FABP6: variants seen among roughly 807,000 people sequenced by gnomAD.
The protein encoded by FABP6 is gastrotropin.
Under a neutral mutation model 14.9 loss-of-function variants are expected in FABP6, and 13 were observed. The observed-to-expected ratio is 0.87, with a 90% CI of 0.57 to 1.39. FABP6 has a LOEUF of 1.39. FABP6 is among the 40% of genes most tolerant of loss of function. The pLI is 0.00. For synonymous variants in FABP6, 75 were observed against 63.6 expected, an observed-to-expected ratio of 1.18 and a Z score of -0.85; for missense variants, 161 against 167.2, an observed-to-expected ratio of 0.96 and a Z score of 0.20.
At chr5:160,190,468 G>A (rs1001791454) in intron 1 of FABP6, among the ~76,000 whole-genome samples, 34 of 152,174 alleles carry the variant, frequency 2.2e-4, no homozygotes, top group African/African-American at 8.0e-4. Context: ...CCGACCTCAG[G>A]CGATCTGCCC....
intron 3 of FABP6, among the ~76,000 whole-genome samples, chr5:160,219,221 C>T (rs1356851159): frequency 1.3e-5 from 2 of 152,142 alleles, no homozygotes; most frequent in African/African-American, 2.4e-5. Flanking sequence ...GTGCCCAGGG[C>T]TCCTCCTCAC....
chr5:160,220,670 C>T (rs1760110596), intron 3 of FABP6, among the ~76,000 whole-genome samples: 1 of 151,862 alleles, frequency 6.6e-6, no homozygotes, highest in African/African-American at 2.4e-5. Context: ...ATTAGCCTTC[C>T]CTCATACTCA....
chr5:160,203,420 C>T (rs1039860422), intron 2 of FABP6, among the ~76,000 whole-genome samples: 3 of 152,168 alleles, frequency 2.0e-5, no homozygotes, highest in African/African-American at 7.2e-5. Context: ...GATTATATGG[C>T]CCCTCAGAAT....
rs867865208 is a variant in FABP6, at chr5:160,207,215, G to A, written c.52-6521G>A. 1.1e-4 allele frequency among the ~76,000 whole-genome samples: 16 copies of A among 152,336 alleles called. No individual in the cohort carries two copies. In the South Asian group the frequency reaches 2.3e-3, roughly 22 times the overall value. On this transcript the variant is annotated intron_variant, in intron 2 of 6. Transcript: ENST00000393980. The stretch of plus-strand genomic sequence containing the variant: ...AGGTAGGGAAATGGGCAAGGGCCAC[G>A]AACCTAGATTTACCTCTAAACTCCC...
intron 2 of FABP6, among the ~76,000 whole-genome samples, chr5:160,201,005 G>A (rs1332849721): frequency 6.6e-6 from 1 of 152,166 alleles, no homozygotes; most frequent in Non-Finnish European, 1.5e-5. Context: ...ATACACATAT[G>A]AATGTATACA....
chr5:160,227,140 C>A (rs557073030), upstream of FABP6, among the ~76,000 whole-genome samples: 23 of 152,194 alleles, frequency 1.5e-4, no homozygotes, highest in East Asian at 4.2e-3. Context: ...TATGATATAC[C>A]CTTTTGTAAT....
chr5:160,228,977 C>T (rs566187836), upstream of FABP6, among the ~76,000 whole-genome samples: 7 of 152,274 alleles, frequency 4.6e-5, no homozygotes, highest in South Asian at 2.1e-4. Context: ...ACTAGCCCTG[C>T]GCTGGACACC....
chr5:160,226,877 G>A (rs1760258259), upstream of FABP6, among the ~76,000 whole-genome samples: 1 of 152,142 alleles, frequency 6.6e-6, no homozygotes, highest in Non-Finnish European at 1.5e-5. Context: ...TTTCTGAAAG[G>A]CAGTAAAGTA....
chr5:160,216,558 G>A (rs1171761819), intron 3 of FABP6, among the ~76,000 whole-genome samples: 4 of 152,024 alleles, frequency 2.6e-5, no homozygotes, highest in Non-Finnish European at 4.4e-5. Flanking sequence ...ATGAGCCACC[G>A]TGCCTGCCTG....
intron 2 of FABP6, among the ~76,000 whole-genome samples, chr5:160,234,057 C>T (rs1027799218): frequency 1.1e-4 from 17 of 152,206 alleles, no homozygotes; most frequent in African/African-American, 4.1e-4. Flanking sequence ...AGGTTGGCGG[C>T]AGCAGGGTAA....
At chr5:160,236,513 C>G (rs1474276263) in intron 3 of FABP6, among the ~76,000 whole-genome samples, 1 of 152,170 alleles carries the variant, frequency 6.6e-6, no homozygotes, top group Admixed American at 6.5e-5. Context: ...ACTTATTTTA[C>G]AGAGCAGCAT....
intron 3 of FABP6, among the ~76,000 whole-genome samples, chr5:160,215,750 T>A (rs1414116484): frequency 6.7e-6 from 1 of 149,912 alleles, no homozygotes; most frequent in Non-Finnish European, 1.5e-5. Context: ...GTGGAGGTGG[T>A]GGGAATTTTG....
upstream of FABP6, chr5:160,228,529 G>T (rs1382344790): frequency 4.4e-6 from 2 of 456,190 alleles, no homozygotes; most frequent in Admixed American, 2.3e-5. Context: ...TAGAGTCCCT[G>T]CATGTGAAGT....
At chr5:160,193,218 G>C (rs6556476) in intron 1 of FABP6, among the ~76,000 whole-genome samples, 134,385 of 151,926 alleles carry the variant, frequency 0.88, 59,576 homozygotes, top group Non-Finnish European at 0.92. Flanking sequence ...CTGGCTCAGG[G>C]GTGAAACTGC....
intron 2 of FABP6, among the ~76,000 whole-genome samples, chr5:160,199,892 C>T (rs748872823): frequency 6.6e-6 from 1 of 152,222 alleles, no homozygotes; most frequent in Non-Finnish European, 1.5e-5. Context: ...AGAAGTGGGG[C>T]AGGACATGGT....
rs116220731 is a variant in FABP6, at chr5:160,238,543, C to T, written c.334-63C>T. The stretch of plus-strand genomic sequence containing the variant: ...GGGTTGGAGACTCATCTTCCTTCAG[C>T]GGTGCCTCCTGGCTACCTTGGGGTG... On this transcript the variant is annotated intron_variant, in intron 3 of 3. Coordinates refer to ENST00000402432, the MANE Select transcript of FABP6 (RefSeq NM_001445.3). The T allele has an allele frequency of 3.4e-3, 4,871 of 1,433,720 alleles. 127 individuals are homozygous for T. In the African/African-American group the frequency reaches 0.056, roughly 17 times the overall value. 88.8% of individuals were successfully genotyped at this position (1,433,720 alleles called of 1,614,324 possible). A position where few individuals can be genotyped will look rare whatever the true frequency, so the allele number is the denominator to read the frequency against.
chr5:160,209,646 G>A (rs1411708462), intron 2 of FABP6, among the ~76,000 whole-genome samples: 2 of 152,178 alleles, frequency 1.3e-5, no homozygotes, highest in Non-Finnish European at 2.9e-5. Context: ...CTCACCAGTT[G>A]TGCCCCCTAG....
At chr5:160,195,192 G>A (rs1312577216) in intron 1 of FABP6, among the ~76,000 whole-genome samples, 7 of 150,234 alleles carry the variant, frequency 4.7e-5, no homozygotes, top group African/African-American at 1.5e-4. Flanking sequence ...GGCTGAGGCC[G>A]GAGAATTGCT....
At chr5:160,193,959 G>A (rs11954722) in intron 1 of FABP6, among the ~76,000 whole-genome samples, 1 of 152,224 alleles carries the variant, frequency 6.6e-6, no homozygotes, top group East Asian at 1.9e-4. Context: ...GGCGCTCGTC[G>A]GGGAGGCTCG....
Sources: allele counts gnomAD v4.1 joint callset (sites outside exome capture counted in the v4.1 genomes callset), GRCh38; gene constraint gnomAD v4.1.1; transcripts MANE v1.5; gene names NCBI Gene and HGNC (gene_info 2026-07-23, HGNC 2026-07-21).